The following CNTN6 variants were observed in gnomAD, a reference collection of about 807,000 sequenced individuals.
CNTN6 encodes the protein contactin-6.
CNTN6 carries 137 observed loss-of-function variants against 122.8 expected under a neutral mutation model. The ratio of observed to expected loss-of-function variants is 1.12; its 90% CI spans 0.97 to 1.29. CNTN6 has a LOEUF of 1.29. Ranked by LOEUF, CNTN6 falls within the 50% of genes most tolerant of loss-of-function variation. CNTN6 has a pLI of 0.00. For synonymous variants in CNTN6, 570 were observed against 426.0 expected, an observed-to-expected ratio of 1.34 and a Z score of -4.16; for missense variants, 1,634 against 1,223.4, an observed-to-expected ratio of 1.34 and a Z score of -5.01.
intron 2 of CNTN6, among the ~76,000 whole-genome samples, chr3:1,166,059 T>C (rs1227579997): frequency 6.6e-6 from 1 of 152,180 alleles, no homozygotes; most frequent in African/African-American, 2.4e-5. Context: ...GTATAACTTA[T>C]GAGTCGGTAA....
intron 12 of CNTN6, among the ~76,000 whole-genome samples, chr3:1,367,422 A>G (rs982573892): frequency 2.6e-5 from 4 of 151,878 alleles, no homozygotes; most frequent in African/African-American, 9.7e-5. Context: ...TGGACATACA[A>G]TCCAGTCACA....
intron 3 of CNTN6, among the ~76,000 whole-genome samples, chr3:1,226,783 T>C (rs1240841284): frequency 1.3e-5 from 2 of 152,192 alleles, no homozygotes; most frequent in Non-Finnish European, 2.9e-5. Context: ...CTGTTATTAA[T>C]CTTCCTTTCC....
At chr3:1,202,776 A>G (rs1437880905) in intron 2 of CNTN6, among the ~76,000 whole-genome samples, 1 of 152,160 alleles carries the variant, frequency 6.6e-6, no homozygotes, top group African/African-American at 2.4e-5. Context: ...CTCATAAAAG[A>G]AAACAAAAAT....
rs562899855 is a variant in CNTN6 at position 1,386,622 on chromosome 3, T to C, written c.2704+825T>C. ...TCCTGTAAGATGATTTTTTTGTGGT[T>C]GAATAATATTTACATATTCCTTATA... On this transcript the variant is annotated intron_variant, in intron 20 of 22. Transcript: ENST00000446702. 9.0e-4 allele frequency among the ~76,000 whole-genome samples: 137 copies of C among 152,228 alleles called. No individual in the cohort carries two copies. In the South Asian group the frequency reaches 0.027, roughly 30 times the overall value.
At chr3:1,316,485 C>A (rs150584859) in intron 7 of CNTN6, among the ~76,000 whole-genome samples, 1 of 151,828 alleles carries the variant, frequency 6.6e-6, no homozygotes, top group Non-Finnish European at 1.5e-5. Context: ...AACAGCACCA[C>A]GGAGATAGTG....
At chr3:1,113,899 A>C (rs2091596408) in intron 1 of CNTN6, among the ~76,000 whole-genome samples, 1 of 152,192 alleles carries the variant, frequency 6.6e-6, no homozygotes, top group African/African-American at 2.4e-5. Flanking sequence ...TTTCTAAGAT[A>C]TCTCTCCATG....
At chr3:1,143,930 T>A (rs373212642) in intron 1 of CNTN6, among the ~76,000 whole-genome samples, 1 of 152,184 alleles carries the variant, frequency 6.6e-6, no homozygotes. Context: ...AGGAGGAAAC[T>A]GACAATCAAT....
In CNTN6 at chr3:1,356,331, G is replaced by A. The variant is rs893284026; in HGVS notation, c.1492+3880G>A. 4.0e-5 allele frequency among the ~76,000 whole-genome samples: 6 copies of A among 151,794 alleles called. No individual in the cohort carries two copies. The East Asian group carries it at 7.8e-4, about 20-fold the overall frequency. ...CAGTGTTATTTTCAACTGAAATGTC[G>A]GAACTTGGAAAAGCATATCTAATGT... On this transcript the variant is annotated intron_variant, in intron 12 of 22. Coordinates refer to ENST00000446702, the MANE Select transcript of CNTN6 (RefSeq NM_001289080.2).
intron 14 of CNTN6, among the ~76,000 whole-genome samples, chr3:1,373,160 T>C (rs1362045193): frequency 6.6e-6 from 1 of 152,134 alleles, no homozygotes; most frequent in African/African-American, 2.4e-5. Flanking sequence ...CATGGAACTG[T>C]GTAGGATTTG....
At position 1,373,677 on chromosome 3, in the gene CNTN6, A is replaced by C. The variant is rs763441505; in HGVS notation, c.1860A>C (p.Ala620=). 1.2e-6 allele frequency: 2 copies of C among 1,613,216 alleles called. No individual in the cohort carries two copies. The highest frequency in any genetic ancestry group is 3.3e-5 in the Admixed American group (2 of 59,914). ...SSTTSQLSWR[A]GPDNNSPIQI... ...CTACTTCTCAACTAAGTTGGAGAGC[A>C]GGCCCAGATAATAACAGTCCCATTC... The change falls in exon 15 of 23, where the codon GCA becomes GCC. Residue 620 remains alanine (A), a synonymous_variant. Transcript: ENST00000446702.
intron 11 of CNTN6, among the ~76,000 whole-genome samples, chr3:1,346,524 T>G (rs1429163148): frequency 6.6e-6 from 1 of 152,098 alleles, no homozygotes; most frequent in Non-Finnish European, 1.5e-5. Context: ...TCTCTCTTAC[T>G]TCCCCTCTTG....
At position 1,393,403 on chromosome 3, in the gene CNTN6, G is replaced by A. The variant is rs1314308188; in HGVS notation, c.2704+7606G>A. 8.2e-5 allele frequency among the ~76,000 whole-genome samples: 10 copies of A among 122,582 alleles called. No individual in the cohort carries two copies. The East Asian group carries it at 2.2e-3, about 27-fold the overall frequency. 80.4% of individuals were successfully genotyped at this position (122,582 alleles called of 152,430 possible). On this transcript the variant is annotated intron_variant, in intron 20 of 22. Transcript: ENST00000446702. ...AGGGGAATATCACACTCTGGGGACTGTGGTGAGGTGGGGGGAGGGGGGAGG... is the reference window on the plus strand; with the variant it reads ...AGGGGAATATCACACTCTGGGGACTATGGTGAGGTGGGGGGAGGGGGGAGG...
At chr3:1,197,900 T>TC (rs941706102) in intron 2 of CNTN6, among the ~76,000 whole-genome samples, 14 of 152,116 alleles carry the variant, frequency 9.2e-5, no homozygotes, top group African/African-American at 3.4e-4. Context: ...AAGCATCCTA[T>TC]CCCCCCTAAC....
chr3:1,340,496 T>C (rs541240924), intron 11 of CNTN6, among the ~76,000 whole-genome samples: 1 of 152,278 alleles, frequency 6.6e-6, no homozygotes, highest in Admixed American at 6.5e-5. Flanking sequence ...TAACGTAACA[T>C]ACAATGTAAT....
chr3:1,138,277 T>A (rs918446215), intron 1 of CNTN6, among the ~76,000 whole-genome samples: 1 of 152,178 alleles, frequency 6.6e-6, no homozygotes, highest in Non-Finnish European at 1.5e-5. Flanking sequence ...CATGCCAGAT[T>A]TTTAGCAACT....
chr3:1,271,140 A>T (rs1559667248), intron 4 of CNTN6, among the ~76,000 whole-genome samples: 1 of 152,178 alleles, frequency 6.6e-6, no homozygotes, highest in Non-Finnish European at 1.5e-5. Context: ...GGTGTCCCAA[A>T]TTGCTGGGAT....
chr3:1,395,579 C>A (rs1265270340), intron 20 of CNTN6, among the ~76,000 whole-genome samples: 1 of 152,170 alleles, frequency 6.6e-6, no homozygotes, highest in African/African-American at 2.4e-5. Flanking sequence ...TTGCTTCCCT[C>A]TTTCCCTTGT....
At chr3:1,271,066 C>A (rs112204794) in intron 4 of CNTN6, among the ~76,000 whole-genome samples, 1 of 152,062 alleles carries the variant, frequency 6.6e-6, no homozygotes, top group African/African-American at 2.4e-5. Context: ...TTAGTAGAGA[C>A]AGGGTTTCAC....
chr3:1,381,400 C>G (rs1231274271), intron 17 of CNTN6, among the ~76,000 whole-genome samples: 1 of 152,082 alleles, frequency 6.6e-6, no homozygotes, highest in Non-Finnish European at 1.5e-5. Context: ...GACTGTTCCA[C>G]ATGGCAAGAA....
Sources: gnomAD v4.1 joint callset for allele counts (sites outside exome capture counted in the v4.1 genomes callset) on GRCh38, gnomAD v4.1.1 for gene constraint, MANE v1.5 for transcripts, NCBI Gene and HGNC (gene_info 2026-07-23, HGNC 2026-07-21) for gene names.